Variants in SENP7 observed in about 807,000 individuals in gnomAD.
The protein encoded by SENP7 is SUMO specific peptidase 7.
In SENP7, 64 loss-of-function variants were observed where a neutral mutation model predicts 141.2. The observed-to-expected ratio is 0.45, with a 90% CI of 0.37 to 0.56. The LOEUF (loss-of-function observed/expected upper bound fraction) is 0.56. SENP7 is among the 20% of genes least tolerant of loss of function. The pLI, the probability that SENP7 is intolerant of heterozygous loss-of-function variation, is 0.00. For missense variants in SENP7, 1,025 were observed against 1,212.2 expected, an observed-to-expected ratio of 0.85 and a Z score of 2.29; for synonymous variants, 382 against 426.4, an observed-to-expected ratio of 0.90 and a Z score of 1.28.
chr3:101,353,276 T>C (rs980447674), intron 11 of SENP7, among the ~76,000 whole-genome samples: 8 of 151,982 alleles, frequency 5.3e-5, no homozygotes, highest in African/African-American at 1.9e-4. Context: ...GAAGCGGTGT[T>C]TGCCTTTCAG....
At chr3:101,432,110 T>C (rs1463304684) in intron 4 of SENP7, among the ~76,000 whole-genome samples, 1 of 152,096 alleles carries the variant, frequency 6.6e-6, no homozygotes, top group Non-Finnish European at 1.5e-5. Flanking sequence ...CAAGCCATCT[T>C]AAGAGATTTC....
intron 17 of SENP7, among the ~76,000 whole-genome samples, chr3:101,336,777 T>C (rs559057207): frequency 1.3e-5 from 2 of 152,344 alleles, no homozygotes; most frequent in African/African-American, 4.8e-5. Context: ...TTCTACTGTC[T>C]AAGAAATACC....
At chr3:101,476,164 A>G (rs1009891198) in intron 3 of SENP7, among the ~76,000 whole-genome samples, 12 of 151,992 alleles carry the variant, frequency 7.9e-5, no homozygotes, top group Non-Finnish European at 1.6e-4. Context: ...GGTTTGTTAC[A>G]TAAGTATACA....
rs372862770 is a variant in SENP7 at position 101,456,824 on chromosome 3, G to A, written c.284+2131C>T. Among the ~76,000 whole-genome samples the A allele has an allele frequency of 2.0e-5, 3 of 151,940 alleles. No individual in the cohort carries two copies. In the East Asian group the frequency reaches 5.8e-4, roughly 29 times the overall value. ...TAGTTTTTTGTAGAGATGGTGTTTC[G>A]CCATGTTGCCTAAGCCGTACTTGAA... On this transcript the variant is annotated intron_variant, in intron 4 of 23. Coordinates refer to ENST00000394095, the MANE Select transcript of SENP7 (RefSeq NM_020654.5).
intron 3 of SENP7, among the ~76,000 whole-genome samples, chr3:101,463,364 A>AATATATATATATATAT (rs71625265): frequency 9.0e-5 from 8 of 89,204 alleles, no homozygotes; most frequent in Non-Finnish European, 1.3e-4. Context: ...TAAATAAATA[A>AATATATATATATATAT]ATATATATAT....
At chr3:101,500,638 C>T (rs2065341578) in intron 2 of SENP7, among the ~76,000 whole-genome samples, 3 of 152,242 alleles carry the variant, frequency 2.0e-5, no homozygotes, top group Admixed American at 6.5e-5. Flanking sequence ...TGTTTTGCTA[C>T]TCTTGGCTTA....
At chr3:101,467,661 ACAT>A (rs1337255474) in intron 3 of SENP7, among the ~76,000 whole-genome samples, 2 of 152,164 alleles carry the variant, frequency 1.3e-5, no homozygotes, top group Non-Finnish European at 2.9e-5. Flanking sequence ...AATAGCATCA[ACAT>A]CAACAAAAAG....
chr3:101,509,376 T>C (rs1274477664), intron 1 of SENP7, among the ~76,000 whole-genome samples: 1 of 152,176 alleles, frequency 6.6e-6, no homozygotes, highest in Non-Finnish European at 1.5e-5. Flanking sequence ...TCAGTAAAAG[T>C]AGCCTCCTAA....
chr3:101,499,554 G>GTTTTTT (rs2065292794), intron 2 of SENP7, among the ~76,000 whole-genome samples: 2 of 126,268 alleles, frequency 1.6e-5, no homozygotes, highest in African/African-American at 6.2e-5. Context: ...TTTTTTCTTG[G>GTTTTTT]AGACAGAGTC....
chr3:101,391,787 A>G (rs2060823436), intron 6 of SENP7, among the ~76,000 whole-genome samples: 1 of 152,160 alleles, frequency 6.6e-6, no homozygotes, highest in African/African-American at 2.4e-5. Context: ...CATGAGAAAA[A>G]AAGTTCAGGC....
At chr3:101,440,439 G>A (rs2062619626) in intron 4 of SENP7, among the ~76,000 whole-genome samples, 2 of 114,106 alleles carry the variant, frequency 1.8e-5, no homozygotes, top group Admixed American at 9.0e-5. Flanking sequence ...CACTGCGGAA[G>A]GCCGCAGGGT....
intron 8 of SENP7, among the ~76,000 whole-genome samples, chr3:101,367,137 T>TA (rs1204295081): frequency 4.6e-5 from 7 of 152,102 alleles, no homozygotes; most frequent in African/African-American, 1.7e-4. Context: ...ACTACTTTGG[T>TA]AAAAAAATTT....
intron 4 of SENP7, among the ~76,000 whole-genome samples, chr3:101,426,858 A>G (rs2061977665): frequency 6.6e-6 from 1 of 152,182 alleles, no homozygotes; most frequent in Non-Finnish European, 1.5e-5. Context: ...AGCTCCTGAA[A>G]GAAGCACTAA....
chr3:101,457,120 A>G, intron 4 of SENP7: 1 of 715,380 alleles, frequency 1.4e-6, no homozygotes, highest in Non-Finnish European at 2.4e-6. Context: ...CTTGGGCTTA[A>G]AAATATTAGA....
At chr3:101,424,384 C>G (rs956622073) in intron 4 of SENP7, among the ~76,000 whole-genome samples, 2 of 150,726 alleles carry the variant, frequency 1.3e-5, no homozygotes, top group African/African-American at 4.9e-5. Flanking sequence ...TTTGCCCCAG[C>G]AGCATGTGAC....
chr3:101,402,386 G>A (rs2061170954), intron 5 of SENP7, among the ~76,000 whole-genome samples: 1 of 151,956 alleles, frequency 6.6e-6, no homozygotes, highest in South Asian at 2.1e-4. Flanking sequence ...CACTTTGGGC[G>A]GCAGAGGCCG....
At chr3:101,361,911 A>G in intron 10 of SENP7, 50 bp from the exon 11 acceptor site, 1 of 1,509,870 alleles carries the variant, frequency 6.6e-7, no homozygotes, top group South Asian at 1.3e-5. Context: ...GTACTATATA[A>G]ATGCTGAAAA....
intron 17 of SENP7, among the ~76,000 whole-genome samples, chr3:101,334,083 T>G (rs1200533927): frequency 6.6e-6 from 1 of 152,160 alleles, no homozygotes; most frequent in South Asian, 2.1e-4. Context: ...GAGGCAGAGC[T>G]TAGGCAGTAA....
At chr3:101,328,416 T>C in intron 22 of SENP7, 62 bp downstream of exon 22, 1 of 1,160,504 alleles carries the variant, frequency 8.6e-7, no homozygotes, top group Non-Finnish European at 1.3e-6. Flanking sequence ...ATTCTGAAGG[T>C]AACTTCAAAA....
Sources: gnomAD v4.1 joint callset for allele counts (sites outside exome capture counted in the v4.1 genomes callset) on GRCh38, gnomAD v4.1.1 for gene constraint, MANE v1.5 for transcripts, NCBI Gene and HGNC (gene_info 2026-07-23, HGNC 2026-07-21) for gene names.